The following SLC39A14 variants were observed in gnomAD, a reference collection of about 807,000 sequenced individuals.
SLC39A14 encodes solute carrier family 39 member 14.
Under a neutral mutation model 45.5 loss-of-function variants are expected in SLC39A14, and 19 were observed. The observed-to-expected ratio is 0.42, with a 90% CI of 0.29 to 0.61. SLC39A14 has a LOEUF of 0.61. Among genes scored for constraint, SLC39A14 ranks in the 20% least tolerant of loss-of-function variants. The pLI is 0.22. For synonymous variants in SLC39A14, 264 were observed against 251.3 expected (o/e 1.05, Z -0.48); for missense variants, 447 against 616.5 (o/e 0.73, Z 2.91).
chr8:22,417,342 G>T (rs1329333819), intron 7 of SLC39A14, among the ~76,000 whole-genome samples: 5 of 152,230 alleles, frequency 3.3e-5, no homozygotes, highest in African/African-American at 1.2e-4. Flanking sequence ...TATACGGCCA[G>T]TTTGGCAAAT....
At chr8:22,418,655 C>T (rs1836036205) in intron 8 of SLC39A14, among the ~76,000 whole-genome samples, 1 of 152,024 alleles carries the variant, frequency 6.6e-6, no homozygotes, top group Admixed American at 6.5e-5. Flanking sequence ...CCTCAGTCTC[C>T]CAAGCAGCTA....
rs1269191023 is a variant in SLC39A14 at position 22,420,158 on chromosome 8, T to C, written c.*460T>C. 2.0e-6 allele frequency: 2 copies of C among 986,428 alleles called. No individual in the cohort carries two copies. The highest frequency in any genetic ancestry group is 2.4e-6 in the Non-Finnish European group (2 of 830,708). 61.1% of individuals were successfully genotyped at this position (986,428 alleles called of 1,614,324 possible). ...GCACCTTGGACCTCCAGCTGGCCAATAGAAGAGACAGGAGACAGGAAGCCT... is the reference window on the plus strand; with the variant it reads ...GCACCTTGGACCTCCAGCTGGCCAACAGAAGAGACAGGAGACAGGAAGCCT... On this transcript the variant is annotated 3_prime_UTR_variant, in exon 9 of 9. Coordinates refer to ENST00000381237, the MANE Select transcript of SLC39A14 (RefSeq NM_001128431.4).
At chr8:22,402,066 C>T (rs1248677857) in intron 1 of SLC39A14, among the ~76,000 whole-genome samples, 1 of 152,068 alleles carries the variant, frequency 6.6e-6, no homozygotes, top group Non-Finnish European at 1.5e-5. Flanking sequence ...TATATATTTT[C>T]CTTATCACAT....
intron 4 of SLC39A14, among the ~76,000 whole-genome samples, 197 bp from the exon 5 acceptor site, chr8:22,414,582 CT>C (rs1399656988): frequency 6.6e-6 from 1 of 152,126 alleles, no homozygotes; most frequent in Non-Finnish European, 1.5e-5. Flanking sequence ...TGAGAAGAAC[CT>C]GGCAGGTTTA....
chr8:22,429,512 C>T (rs1162985213), intron 8 of SLC39A14, among the ~76,000 whole-genome samples: 1 of 152,234 alleles, frequency 6.6e-6, no homozygotes, highest in Non-Finnish European at 1.5e-5. Context: ...TAGTAATTAA[C>T]ATTTTGTTCT....
rs1416147932 is a variant in SLC39A14, at chr8:22,419,715, T to C, written c.*17T>C. On this transcript the variant is annotated 3_prime_UTR_variant, in exon 9 of 9. Transcript: ENST00000381237. ...ATTGGGTAGGGCTCTGCCAAGAGCC[T>C]GTGGGACTGGAAGTCGGGCCCTGGG... 1 of 1,570,148 alleles carries C rather than the reference T, an allele frequency of 6.4e-7. No individual in the cohort carries two copies.
At chr8:22,378,933 G>T (rs948967320) in intron 1 of SLC39A14, among the ~76,000 whole-genome samples, 5 of 152,184 alleles carry the variant, frequency 3.3e-5, no homozygotes, top group African/African-American at 1.2e-4. Flanking sequence ...CCAGAAACTT[G>T]GTGGCTTAAA....
chr8:22,395,511 CA>C (rs1834336559), intron 1 of SLC39A14, among the ~76,000 whole-genome samples: 1 of 152,200 alleles, frequency 6.6e-6, no homozygotes. Context: ...AGGTCATCGC[CA>C]AAGTCTGATT....
chr8:22,394,549 G>A (rs1563527277), intron 1 of SLC39A14, among the ~76,000 whole-genome samples: 5 of 151,736 alleles, frequency 3.3e-5, no homozygotes, highest in Admixed American at 1.3e-4. Flanking sequence ...TTGATCTCCT[G>A]ACCTTGTGAT....
Position 22,419,764 on chromosome 8 carries a change from C to T in SLC39A14, c.*66C>T, listed in dbSNP as rs1003347155. The T allele has an allele frequency of 4.0e-6, 6 of 1,509,690 alleles. No individual in the cohort carries two copies. The African/African-American group carries it at 5.6e-5, about 14-fold the overall frequency. The allele number at this position is 1,509,690 out of a possible 1,614,324, so 93.5% of individuals were successfully genotyped here. Reference sequence around the variant, plus strand: ...GGCTGCCCGATCGCCAGCCCGAGGACTTACCATCCACAATGCACCACGGAA... The same window carrying T: ...GGCTGCCCGATCGCCAGCCCGAGGATTTACCATCCACAATGCACCACGGAA... On this transcript the variant is annotated 3_prime_UTR_variant, in exon 9 of 9. Transcript: ENST00000381237.
chr8:22,422,004 C>G lies in SLC39A14; in HGVS notation c.*2306C>G, dbSNP rs1031979889. The G allele has an allele frequency of 1.0e-6, 1 of 985,334 alleles. No individual in the cohort carries two copies. The highest frequency in any genetic ancestry group is 1.7e-5 in the African/African-American group (1 of 57,234). The allele number at this position is 985,334 out of a possible 1,614,324, so 61.0% of individuals were successfully genotyped here. On this transcript the variant is annotated 3_prime_UTR_variant, in exon 9 of 9. Transcript: ENST00000381237. ...TTAGGAGGGGCGGAGACGCTCACATCGTCTGACTTGAGTCGCCACTGATTG... is the reference window on the plus strand; with the variant it reads ...TTAGGAGGGGCGGAGACGCTCACATGGTCTGACTTGAGTCGCCACTGATTG...
At chr8:22,378,146 C>G (rs1833312321) in intron 1 of SLC39A14, among the ~76,000 whole-genome samples, 1 of 152,186 alleles carries the variant, frequency 6.6e-6, no homozygotes, top group Non-Finnish European at 1.5e-5. Context: ...TGGAAGTAAA[C>G]TGGAATAGGA....
At chr8:22,405,958 G>A (rs1460634387) in intron 2 of SLC39A14, among the ~76,000 whole-genome samples, 3 of 152,234 alleles carry the variant, frequency 2.0e-5, no homozygotes, top group Admixed American at 6.5e-5. Context: ...GGAGTTGACT[G>A]TCACGATGGG....
rs1227306227 is a variant in SLC39A14, at chr8:22,368,289, C to G, written c.-16+881C>G. On this transcript the variant is annotated intron_variant, in intron 1 of 8. Transcript: ENST00000381237. ...GAGCAAGCCTGGTTTGGGTTTACGT[C>G]TTTAGTGGCTCTCCCCTAGGAGCCC... is the stretch of plus-strand genomic sequence containing the variant. Among the ~76,000 whole-genome samples, 3 of 152,132 alleles carry G rather than the reference C, an allele frequency of 2.0e-5. No homozygotes were observed. The East Asian group carries it at 5.8e-4, about 30-fold the overall frequency.
At chr8:22,377,957 T>C (rs1226586864) in intron 1 of SLC39A14, among the ~76,000 whole-genome samples, 1 of 152,218 alleles carries the variant, frequency 6.6e-6, no homozygotes, top group Non-Finnish European at 1.5e-5. Context: ...CTCCTGCCAA[T>C]TGTATTTGTC....
rs761791684 is a variant in SLC39A14, at chr8:22,414,770, G to T, written c.628-10G>T. 3 of 1,585,784 alleles carry T rather than the reference G, an allele frequency of 1.9e-6. No individual in the cohort carries two copies. The South Asian group carries it at 3.5e-5, about 19-fold the overall frequency. On this transcript the variant is annotated splice_polypyrimidine_tract_variant and intron_variant, in intron 4 of 8. Coordinates refer to ENST00000381237, the MANE Select transcript of SLC39A14 (RefSeq NM_001128431.4). ...TCTTTAAAACTCATTTTCTTTTCCT[G>T]GGTCCACAGGCATTTGGTTTCAACC...
chr8:22,415,487 G>T (rs1380809323), intron 5 of SLC39A14: 4 of 360,532 alleles, frequency 1.1e-5, no homozygotes, highest in African/African-American at 2.2e-5. Context: ...TTAGAAACGG[G>T]GTCTCGCTTC....
At chr8:22,406,476 G>A (rs542974537) in intron 2 of SLC39A14, among the ~76,000 whole-genome samples, 6 of 152,212 alleles carry the variant, frequency 3.9e-5, no homozygotes, top group East Asian at 1.9e-4. Flanking sequence ...GGTGGATCAC[G>A]AGGTCAGGAG....
At chr8:22,431,283 G>C (rs1836463179) in intron 8 of SLC39A14, among the ~76,000 whole-genome samples, 1 of 152,078 alleles carries the variant, frequency 6.6e-6, no homozygotes, top group South Asian at 2.1e-4. Context: ...CACCGTGCCT[G>C]GCCTATATAG....
Sources: gnomAD v4.1 joint callset for allele counts (sites outside exome capture counted in the v4.1 genomes callset) on GRCh38, gnomAD v4.1.1 for gene constraint, MANE v1.5 for transcripts, NCBI Gene and HGNC (gene_info 2026-07-23, HGNC 2026-07-21) for gene names.